ARB2A: variants seen among roughly 807,000 people sequenced by gnomAD.
ARB2A encodes cotranscriptional regulator ARB2A.
the ARB2A span, among the ~76,000 whole-genome samples, chr5:93,630,866 G>C: frequency 6.6e-6 from 1 of 152,040 alleles, no homozygotes; most frequent in African/African-American, 2.4e-5. Flanking sequence ...TGAGCCCAGG[G>C]AAATAACTTT....
At chr5:94,055,907 T>C in the ARB2A span, 4 of 985,442 alleles carry the variant, frequency 4.1e-6, no homozygotes, top group Non-Finnish European at 4.8e-6. Flanking sequence ...GCCTAGACCA[T>C]AAATGCAGCC....
At chr5:93,985,693 G>A in the ARB2A span, among the ~76,000 whole-genome samples, 14 of 152,288 alleles carry the variant, frequency 9.2e-5, no homozygotes, top group Admixed American at 4.6e-4. Flanking sequence ...CCGAGGTGCC[G>A]GGATTGCAGA....
chr5:93,820,220 T>C, the ARB2A span, among the ~76,000 whole-genome samples: 12 of 152,310 alleles, frequency 7.9e-5, no homozygotes, highest in Middle Eastern at 6.8e-3. Context: ...TCCATTCAAA[T>C]TGATATATTG....
At chr5:94,111,520 GCCCCCAGCCACA>G in the ARB2A span, 3 of 152,280 alleles carry the variant, frequency 2.0e-5, no homozygotes, top group South Asian at 6.2e-4. Flanking sequence ...CCTGAGCTCT[GCCCCCAGCCACA>G]GGGCTGAGGG....
At chr5:93,682,807 A>C in the ARB2A span, 1 of 1,169,888 alleles carries the variant, frequency 8.5e-7, no homozygotes, top group Non-Finnish European at 1.3e-6. Context: ...TAAGACGGAA[A>C]ATTTTTAACA....
At chr5:93,717,895 C>T in the ARB2A span, among the ~76,000 whole-genome samples, 1 of 148,778 alleles carries the variant, frequency 6.7e-6, no homozygotes, top group Non-Finnish European at 1.5e-5. Context: ...AGTGCAGTGG[C>T]ATGATCTTGG....
At chr5:94,038,361 CT>C in the ARB2A span, among the ~76,000 whole-genome samples, 1 of 151,926 alleles carries the variant, frequency 6.6e-6, no homozygotes, top group Admixed American at 6.6e-5. Flanking sequence ...TAAAATGGTA[CT>C]TTGAGAGTTA....
the ARB2A span, among the ~76,000 whole-genome samples, chr5:93,718,581 A>G: frequency 6.6e-6 from 1 of 152,210 alleles, no homozygotes; most frequent in Non-Finnish European, 1.5e-5. Context: ...AATGTCTGCA[A>G]CTACATTAAC....
At chr5:93,933,777 T>C in the ARB2A span, among the ~76,000 whole-genome samples, 55 of 152,122 alleles carry the variant, frequency 3.6e-4, no homozygotes, top group Admixed American at 9.8e-4. Flanking sequence ...GTTCCGCACA[T>C]GTATCCCAGA....
At chr5:93,919,102 CA>C in the ARB2A span, among the ~76,000 whole-genome samples, 4 of 152,034 alleles carry the variant, frequency 2.6e-5, no homozygotes, top group Non-Finnish European at 5.9e-5. Flanking sequence ...CCAGTGTCAG[CA>C]AAGTTAGGGA....
At chr5:93,857,086 G>A in the ARB2A span, among the ~76,000 whole-genome samples, 7 of 152,296 alleles carry the variant, frequency 4.6e-5, no homozygotes, top group East Asian at 1.4e-3. Context: ...AGCGCTGGCT[G>A]CAGAACAGCG....
the ARB2A span, among the ~76,000 whole-genome samples, chr5:93,839,251 A>T: frequency 6.6e-6 from 1 of 152,164 alleles, no homozygotes; most frequent in African/African-American, 2.4e-5. Context: ...TAACATTAAA[A>T]ATGTTGAATT....
At chr5:93,820,424 G>C in the ARB2A span, among the ~76,000 whole-genome samples, 2 of 152,184 alleles carry the variant, frequency 1.3e-5, no homozygotes, top group Non-Finnish European at 2.9e-5. Flanking sequence ...ATAGTAGCTG[G>C]AGAAAAAGAT....
chr5:93,839,113 G>A, the ARB2A span, among the ~76,000 whole-genome samples: 17 of 152,202 alleles, frequency 1.1e-4, no homozygotes, highest in African/African-American at 1.9e-4. Context: ...TCCCTGTCAC[G>A]TTCCAGTTTT....
the ARB2A span, among the ~76,000 whole-genome samples, chr5:93,786,002 TG>T: frequency 6.6e-6 from 1 of 152,168 alleles, no homozygotes; most frequent in South Asian, 2.1e-4. Flanking sequence ...AACTGGCTTA[TG>T]AAGAAATTAT....
chr5:94,075,246 T>C, the ARB2A span, among the ~76,000 whole-genome samples: 2 of 152,012 alleles, frequency 1.3e-5, no homozygotes, highest in Non-Finnish European at 2.9e-5. Flanking sequence ...CGTAAATATA[T>C]AAAGTATCTA....
At chr5:93,820,265 A>G in the ARB2A span, among the ~76,000 whole-genome samples, 1 of 152,224 alleles carries the variant, frequency 6.6e-6, no homozygotes, top group African/African-American at 2.4e-5. Flanking sequence ...GTGTGCTGAG[A>G]TCAATAACTG....
chr5:93,685,678 T>A, the ARB2A span, among the ~76,000 whole-genome samples: 2 of 152,222 alleles, frequency 1.3e-5, no homozygotes, highest in Non-Finnish European at 2.9e-5. Flanking sequence ...CTGCTTCTCA[T>A]GTCTTGGTGA....
chr5:93,708,465 G>A, the ARB2A span, among the ~76,000 whole-genome samples: 2 of 152,162 alleles, frequency 1.3e-5, no homozygotes, highest in African/African-American at 4.8e-5. Flanking sequence ...CATGGGGAGT[G>A]GGGGATGGTT....
Sources: gnomAD v4.1 joint callset for allele counts (sites outside exome capture counted in the v4.1 genomes callset) on GRCh38, gnomAD v4.1.1 for gene constraint, MANE v1.5 for transcripts, NCBI Gene and HGNC (gene_info 2026-07-23, HGNC 2026-07-21) for gene names.